The following CHGB variants were observed in gnomAD, a reference collection of about 807,000 sequenced individuals.
CHGB encodes the protein secretogranin-1.
CHGB carries 46 observed loss-of-function variants against 69.9 expected under a neutral mutation model. That is an observed-to-expected ratio of 0.66 (90% CI 0.52 to 0.84). The LOEUF is 0.84. Among genes scored for constraint, CHGB ranks in the 40% least tolerant of loss-of-function variants. The pLI is 0.00. For synonymous variants in CHGB, 312 were observed against 298.2 expected, an observed-to-expected ratio of 1.05 and a Z score of -0.48; for missense variants, 796 against 822.2, an observed-to-expected ratio of 0.97 and a Z score of 0.39.
chr20:5,914,420 A>G (rs2088464018), intron 1 of CHGB, among the ~76,000 whole-genome samples: 1 of 152,238 alleles, frequency 6.6e-6, no homozygotes, highest in Non-Finnish European at 1.5e-5. Flanking sequence ...CTAGAGTAAT[A>G]AAAGAAAAAT....
rs1018713853 is a variant in CHGB, at chr20:5,911,702, C to A, written c.49+20C>A. ...TGGCGGGTGAGTGGGCGCGGCGGGC[C>A]GGTCAGCACCGCGGACAGCGCCAGC... On this transcript the variant is annotated intron_variant, in intron 1 of 4. Transcript: ENST00000378961. The A allele has an allele frequency of 3.5e-6, 5 of 1,422,662 alleles. No homozygotes were observed. In the Admixed American group the frequency reaches 1.2e-4, roughly 33 times the overall value. 88.1% of individuals were successfully genotyped at this position (1,422,662 alleles called of 1,614,324 possible).
In CHGB at chr20:5,925,254, T is replaced by C. The variant is rs975825105; in HGVS notation, c.*205T>C. On this transcript the variant is annotated 3_prime_UTR_variant, in exon 5 of 5. Transcript: ENST00000378961. The stretch of plus-strand genomic sequence containing the variant: ...ATTGCATGACTTGTAGCATATTCTT[T>C]TCTGCAAAATAGACATATTAACATG... The C allele has an allele frequency of 1.2e-5, 5 of 428,228 alleles. No homozygotes were observed. Among genetic ancestry groups the C allele is most frequent in the Middle Eastern group, 4.6e-4 (1 of 2,196 alleles). 26.5% of individuals were successfully genotyped at this position (428,228 alleles called of 1,614,324 possible). A position where few individuals can be genotyped will look rare whatever the true frequency, so the allele number is the denominator to read the frequency against.
At position 5,911,618 on chromosome 20, in the gene CHGB, G is replaced by A. The variant is rs1472203156; in HGVS notation, c.-16G>A. 4 of 1,517,964 alleles carry A rather than the reference G, an allele frequency of 2.6e-6. No individual in the cohort carries two copies. The East Asian group carries it at 8.2e-5, about 31-fold the overall frequency. 94.0% of individuals were successfully genotyped at this position (1,517,964 alleles called of 1,614,324 possible). A position where few individuals can be genotyped will look rare whatever the true frequency, so the allele number is the denominator to read the frequency against. ...CCGCCATCTTCCTTTCCGCACAGGG[G>A]CCGCCGAGCGGGGCCATGCAGCCAA... On this transcript the variant is annotated 5_prime_UTR_variant, in exon 1 of 5. Coordinates refer to ENST00000378961, the MANE Select transcript of CHGB (RefSeq NM_001819.3).
At chr20:5,912,381 T>C (rs2088451678) in intron 1 of CHGB, among the ~76,000 whole-genome samples, 1 of 152,190 alleles carries the variant, frequency 6.6e-6, no homozygotes, top group Non-Finnish European at 1.5e-5. Flanking sequence ...TGAGAACATG[T>C]GCTCCTCATT....
In CHGB at chr20:5,923,716, A is replaced by G. The variant is rs984016894; in HGVS notation, c.1572A>G (p.Pro524=). The G allele has an allele frequency of 6.2e-7, 1 of 1,614,114 alleles. No homozygotes were observed. Among genetic ancestry groups the G allele is most frequent in the East Asian group, 2.2e-5 (1 of 44,900 alleles). The part of the protein sequence containing the change: ...KRKRLGELFN[P]YYDPLQWKSS... Reference sequence around the variant, plus strand: ...AGAGATTAGGGGAACTGTTCAACCCATACTACGACCCTCTCCAGTGGAAGA... The same window carrying G: ...AGAGATTAGGGGAACTGTTCAACCCGTACTACGACCCTCTCCAGTGGAAGA... Residue 524 remains proline, a synonymous_variant, in exon 4 of 5, where the codon CCA becomes CCG. Coordinates refer to ENST00000378961, the MANE Select transcript of CHGB (RefSeq NM_001819.3).
At position 5,922,579 on chromosome 20, in the gene CHGB, C is replaced by G. The variant is rs756065519; in HGVS notation, c.435C>G (p.Asp145Glu). 2 of 1,613,892 alleles carry G rather than the reference C, an allele frequency of 1.2e-6. No homozygotes were observed. Among genetic ancestry groups the G allele is most frequent in the Non-Finnish European group, 1.7e-6 (2 of 1,179,930 alleles). The change falls in exon 4 of 5, where the codon GAC (aspartate) becomes GAG (glutamate). Residue 145 changes from aspartate to glutamate, a missense_variant. Physicochemically the swap from Asp to Glu is conservative, Grantham distance 45 (BLOSUM62 2). This residue lies in a region of CHGB where 518 missense variants were observed against 506.3 expected (regional missense o/e 1.02). Coordinates refer to ENST00000378961, the MANE Select transcript of CHGB (RefSeq NM_001819.3). ...DEPQWSLYPS[D>E]SQVSEEVKTR... ...CCCAGTGGAGCCTCTATCCCTCCGA[C>G]AGCCAAGTCTCTGAAGAAGTGAAGA...
chr20:5,917,055 C>A (rs2088480015), intron 3 of CHGB, 136 bp downstream of exon 3: 1 of 785,128 alleles, frequency 1.3e-6, no homozygotes, highest in Non-Finnish European at 2.2e-6. Context: ...TTGACTAGGC[C>A]AGTATCTGGG....
intron 1 of CHGB, 56 bp downstream of exon 1, chr20:5,911,738 C>T: frequency 7.5e-7 from 1 of 1,341,668 alleles, no homozygotes; most frequent in South Asian, 1.7e-5. Flanking sequence ...CTCGCTCTTC[C>T]CCGCCGCTCC....
chr20:5,916,685 T>G, intron 2 of CHGB, 141 bp from the exon 3 acceptor site: 1 of 765,978 alleles, frequency 1.3e-6, no homozygotes, highest in Non-Finnish European at 2.3e-6. Flanking sequence ...ATTCTGTTCC[T>G]GTAAATCTGT....
rs2088526826 is a variant in CHGB at position 5,923,137 on chromosome 20, C to T, written c.993C>T (p.His331=). 1 of 1,614,040 alleles carries T rather than the reference C, an allele frequency of 6.2e-7. No homozygotes were observed. Among genetic ancestry groups the T allele is most frequent in the African/African-American group, 1.3e-5 (1 of 74,896 alleles). ...LGEKRDHHST[H]YRASEEEPEY... is the part of the protein sequence containing the mutation. ...AAAAGAGGGACCACCATTCAACCCA[C>T]TACAGGGCTTCAGAGGAAGAACCTG... The change falls in exon 4 of 5, where the codon CAC becomes CAT. Residue 331 remains histidine, a synonymous_variant. Coordinates refer to ENST00000378961, the MANE Select transcript of CHGB (RefSeq NM_001819.3).
intron 1 of CHGB, among the ~76,000 whole-genome samples, chr20:5,912,198 A>G (rs2088450804): frequency 2.0e-5 from 3 of 152,182 alleles, no homozygotes; most frequent in African/African-American, 7.2e-5. Flanking sequence ...TATAAGATAT[A>G]TCCCTTTTCT....
At chr20:5,924,926 G>A in intron 4 of CHGB, 46 bp from the exon 5 acceptor site, 1 of 1,206,988 alleles carries the variant, frequency 8.3e-7, no homozygotes, top group African/African-American at 1.5e-5. Flanking sequence ...TACAGCAAAA[G>A]AAATTGGTTC....
At chr20:5,913,927 C>T (rs748157565) in intron 1 of CHGB, among the ~76,000 whole-genome samples, 4 of 152,096 alleles carry the variant, frequency 2.6e-5, no homozygotes, top group South Asian at 2.1e-4. Flanking sequence ...CCACTGCACC[C>T]GGCCGGGAAA....
Position 5,923,425 on chromosome 20 carries a change from T to A in CHGB, c.1281T>A (p.Arg427=). The A allele has an allele frequency of 1.9e-6, 3 of 1,614,068 alleles. No homozygotes were observed. The highest frequency in any genetic ancestry group is 2.5e-6 in the Non-Finnish European group (3 of 1,179,994). The part of the protein sequence containing the change: ...RHHRGRGGEP[R]AYFMSDTREE... ...ACAGAGGCAGGGGAGGGGAGCCACG[T>A]GCCTATTTCATGTCTGACACCAGAG... The change falls in exon 4 of 5, where the codon CGT becomes CGA. Residue 427 remains arginine (R), a synonymous_variant. Coordinates refer to ENST00000378961, the MANE Select transcript of CHGB (RefSeq NM_001819.3).
chr20:5,916,816 T>G lies in CHGB; in HGVS notation c.97-10T>G, dbSNP rs1023022688. On this transcript the variant is annotated splice_polypyrimidine_tract_variant and intron_variant, in intron 2 of 4. Transcript: ENST00000378961. ...CAGCTTCTCCAACCTGCTTTCGGGT[T>G]TCCCCCCAGGTGACTCGCTGCATCA... is the stretch of plus-strand genomic sequence containing the variant. The G allele has an allele frequency of 3.1e-6, 5 of 1,613,948 alleles. No individual in the cohort carries two copies. Among genetic ancestry groups the G allele is most frequent in the East Asian group, 4.5e-5 (2 of 44,898 alleles).
At chr20:5,913,628 C>CTTTTTTTT (rs918275521) in intron 1 of CHGB, among the ~76,000 whole-genome samples, 5 of 90,472 alleles carry the variant, frequency 5.5e-5, no homozygotes, top group Admixed American at 1.1e-4. Flanking sequence ...CTTTTCTTTT[C>CTTTTTTTT]TTTTTTTTTT....
chr20:5,912,139 T>C (rs2088450441), intron 1 of CHGB, among the ~76,000 whole-genome samples: 2 of 152,142 alleles, frequency 1.3e-5, no homozygotes, highest in African/African-American at 4.8e-5. Flanking sequence ...TCCCTTATTA[T>C]TGTTATTGTC....
In CHGB at chr20:5,924,990, T is replaced by C. The variant is rs144311838; in HGVS notation, c.1975T>C (p.Leu659=). The change falls in exon 5 of 5, where the codon TTG becomes CTG. Residue 659 remains leucine (L), a synonymous_variant. Coordinates refer to ENST00000378961, the MANE Select transcript of CHGB (RefSeq NM_001819.3). ...TTTCCAGAAAAAAGAACTCGAAAAC[T>C]TGGCTGCAATGGATTTGGAACTACA... The part of the protein sequence containing the change: ...TEDEKKELEN[L]AAMDLELQKI... 1.4e-4 allele frequency: 226 copies of C among 1,613,004 alleles called. No homozygotes were observed. The African/African-American group carries it at 2.7e-3, about 19-fold the overall frequency.
rs760703693 is a variant in CHGB, at chr20:5,923,694, G to T, written c.1550G>T (p.Arg517Ile). ...CATCACACAGCTGAAAAGAGGAAGA[G>T]ATTAGGGGAACTGTTCAACCCATAC... ...SSHHTAEKRK[R>I]LGELFNPYYD... Residue 517 changes from arginine (R) to isoleucine (I), a missense_variant, in exon 4 of 5, where the codon AGA (arginine) becomes ATA (isoleucine). By Grantham distance (97) the Arg-to-Ile change is moderately conservative. Transcript: ENST00000378961. 17 of 1,613,934 alleles carry T rather than the reference G, an allele frequency of 1.1e-5. No individual in the cohort carries two copies. In the Admixed American group the frequency reaches 2.8e-4, roughly 27 times the overall value.
Sources: gnomAD v4.1 joint callset for allele counts (sites outside exome capture counted in the v4.1 genomes callset) on GRCh38, gnomAD v4.1.1 for gene constraint, gnomAD v4.1.1 regional missense constraint, MANE v1.5 for transcripts, NCBI Gene and HGNC (gene_info 2026-07-23, HGNC 2026-07-21) for gene names.